PEX14: variants seen among roughly 807,000 people sequenced by gnomAD.
PEX14 encodes the protein peroxisomal biogenesis factor 14.
A neutral mutation model predicts 49.5 loss-of-function variants in PEX14; 15 were observed. The observed-to-expected ratio is 0.30, with a 90% CI of 0.20 to 0.47. PEX14 has a LOEUF of 0.47. PEX14 is among the 20% of genes least tolerant of loss of function. PEX14 has a pLI of 1.00. For synonymous variants in PEX14, 210 were observed against 212.7 expected, an observed-to-expected ratio of 0.99 and a Z score of 0.11; for missense variants, 398 against 494.8, an observed-to-expected ratio of 0.80 and a Z score of 1.86.
intron 4 of PEX14, among the ~76,000 whole-genome samples, chr1:10,609,872 G>A (rs533456742): frequency 3.3e-5 from 5 of 151,942 alleles, no homozygotes; most frequent in African/African-American, 4.8e-5. Flanking sequence ...GTGACCGAAC[G>A]AAGCTCCATC....
intron 3 of PEX14, among the ~76,000 whole-genome samples, chr1:10,546,295 G>A (rs1639168881): frequency 6.6e-6 from 1 of 152,188 alleles, no homozygotes; most frequent in African/African-American, 2.4e-5. Context: ...GCCGGGTGCA[G>A]TGGCTCAAGC....
At chr1:10,488,596 T>C (rs904463838) in intron 1 of PEX14, among the ~76,000 whole-genome samples, 5 of 151,540 alleles carry the variant, frequency 3.3e-5, no homozygotes, top group African/African-American at 1.2e-4. Context: ...GCCTCCTGGG[T>C]TCACCCCATT....
intron 2 of PEX14, among the ~76,000 whole-genome samples, chr1:10,527,962 TG>T (rs1460380451): frequency 1.3e-5 from 2 of 152,214 alleles, no homozygotes; most frequent in Non-Finnish European, 2.9e-5. Flanking sequence ...TGAGCCACTG[TG>T]CTTGGCCTAG....
intron 3 of PEX14, among the ~76,000 whole-genome samples, chr1:10,591,496 C>T (rs1190315094): frequency 6.6e-6 from 1 of 152,120 alleles, no homozygotes; most frequent in African/African-American, 2.4e-5. Context: ...TTATTTGAAT[C>T]AGAAATCTAT....
intron 2 of PEX14, among the ~76,000 whole-genome samples, chr1:10,523,967 A>G (rs1394637366): frequency 6.6e-6 from 1 of 152,064 alleles, no homozygotes; most frequent in Non-Finnish European, 1.5e-5. Context: ...TATTACTTTA[A>G]CTGTTTAAAT....
In PEX14 at chr1:10,623,184, C is replaced by A; in HGVS notation, c.487+63C>A. On this transcript the variant is annotated intron_variant, in intron 6 of 8. Coordinates refer to ENST00000356607, the MANE Select transcript of PEX14 (RefSeq NM_004565.3). The surrounding 1 kb of genome is among the most constrained non-coding windows in gnomAD (Gnocchi z 4.4). ...CCTTCTCCAAGCAGCCCCTTCTCTGCCCCTCCCCTCTCCCTCTGTCTCCAC... is the reference window on the plus strand; with the variant it reads ...CCTTCTCCAAGCAGCCCCTTCTCTGACCCTCCCCTCTCCCTCTGTCTCCAC... 1.0e-6 allele frequency: 1 copy of A among 996,834 alleles called. No homozygotes were observed. The highest frequency in any genetic ancestry group is 1.9e-5 in the Admixed American group (1 of 52,168). 61.7% of individuals were successfully genotyped at this position (996,834 alleles called of 1,614,324 possible).
intron 1 of PEX14, among the ~76,000 whole-genome samples, chr1:10,480,496 C>T (rs867879388): frequency 1.3e-5 from 2 of 148,466 alleles, no homozygotes; most frequent in Admixed American, 6.9e-5. Flanking sequence ...TGGGTTCAAG[C>T]GATTCTCCTG....
chr1:10,484,090 TCA>T (rs1358177332), intron 1 of PEX14, among the ~76,000 whole-genome samples: 1 of 149,750 alleles, frequency 6.7e-6, no homozygotes, highest in Non-Finnish European at 1.5e-5. Context: ...GTGAAGTGGC[TCA>T]GTCTTGGCTC....
At chr1:10,586,966 G>A (rs1640512532) in intron 3 of PEX14, among the ~76,000 whole-genome samples, 2 of 151,784 alleles carry the variant, frequency 1.3e-5, no homozygotes, top group South Asian at 2.1e-4. Flanking sequence ...TCAAAAGCAA[G>A]CAAACTGAAT....
intron 1 of PEX14, among the ~76,000 whole-genome samples, chr1:10,482,754 A>G (rs1641303962): frequency 6.6e-6 from 1 of 152,162 alleles, no homozygotes; most frequent in Non-Finnish European, 1.5e-5. Context: ...CTTTTAATGG[A>G]CATTAGATTG....
intron 1 of PEX14, among the ~76,000 whole-genome samples, chr1:10,483,044 G>A (rs548962910): frequency 6.6e-5 from 10 of 152,332 alleles, no homozygotes; most frequent in Non-Finnish European, 1.2e-4. Flanking sequence ...CTGGAGGAAC[G>A]AGTCCCATTG....
rs775981526 is a variant in PEX14, at chr1:10,583,384, T to C, written c.170-15854T>C. ...ACAAATATACACCATTGCACCCAGC[T>C]TTTTTTTTTTTTTTTTTTAAAAAGG... On this transcript the variant is annotated intron_variant, in intron 3 of 8. Transcript: ENST00000356607. Among the ~76,000 whole-genome samples the C allele has an allele frequency of 9.5e-3, 770 of 81,468 alleles. 4 individuals carry two copies. The highest frequency in any genetic ancestry group is 0.054 in the South Asian group (104 of 1,940). 53.4% of individuals were successfully genotyped at this position (81,468 alleles called of 152,430 possible).
rs1285842977 is a variant in PEX14 at position 10,577,678 on chromosome 1, G to A, written c.170-21560G>A. On this transcript the variant is annotated intron_variant, in intron 3 of 8. Coordinates refer to ENST00000356607, the MANE Select transcript of PEX14 (RefSeq NM_004565.3). ...GCAATCTCGGCTCACTGCAAGCTCC[G>A]CCTCCTGAGTTGGGAGGGTTCACGC... 3.5e-4 allele frequency among the ~76,000 whole-genome samples: 47 copies of A among 133,076 alleles called. 3 individuals carry two copies. Among genetic ancestry groups the A allele is most frequent in the South Asian group, 2.7e-4 (1 of 3,662 alleles). The allele number at this position is 133,076 out of a possible 152,430, so 87.3% of individuals were successfully genotyped here. A position where few individuals can be genotyped will look rare whatever the true frequency, so the allele number is the denominator to read the frequency against.
At chr1:10,535,157 A>G (rs1360077889) in intron 2 of PEX14, among the ~76,000 whole-genome samples, 1 of 152,192 alleles carries the variant, frequency 6.6e-6, no homozygotes, top group Non-Finnish European at 1.5e-5. Context: ...GATGAGGTGA[A>G]TAATAGCAGT....
chr1:10,591,145 T>C (rs1311866015), intron 3 of PEX14, among the ~76,000 whole-genome samples: 1 of 152,190 alleles, frequency 6.6e-6, no homozygotes, highest in Non-Finnish European at 1.5e-5. Context: ...TTTGTTGCAA[T>C]GATGGAAACA....
intron 3 of PEX14, among the ~76,000 whole-genome samples, chr1:10,577,119 A>G (rs892093895): frequency 6.6e-6 from 1 of 151,800 alleles, no homozygotes; most frequent in Non-Finnish European, 1.5e-5. Context: ...TTTAAAAAAC[A>G]TTCTGAGGCC....
Position 10,613,449 on chromosome 1 carries a change from A to G in PEX14, c.299-4883A>G, listed in dbSNP as rs1003071314. 6.6e-6 allele frequency among the ~76,000 whole-genome samples: 1 copy of G among 152,192 alleles called. No individual in the cohort carries two copies. Among genetic ancestry groups the G allele is most frequent in the East Asian group, 1.9e-4 (1 of 5,194 alleles). ...GGAAGGTTGGGTTTTGAAGAGCTCC[A>G]TGCCCTTTGCTCTATAGCAGTTTAT... On this transcript the variant is annotated intron_variant, in intron 4 of 8. Coordinates refer to ENST00000356607, the MANE Select transcript of PEX14 (RefSeq NM_004565.3). This position sits in a 1 kb window ranked among gnomAD's most constrained non-coding sequence, Gnocchi z 5.0.
At chr1:10,536,996 T>G (rs2506891) in intron 3 of PEX14, among the ~76,000 whole-genome samples, 146,298 of 152,196 alleles carry the variant, frequency 0.96, 70,581 homozygotes, top group East Asian at 1. Context: ...TATACCATGA[T>G]GGGCAAAAGT....
chr1:10,544,650 A>G (rs1242779349), intron 3 of PEX14, among the ~76,000 whole-genome samples: 1 of 152,160 alleles, frequency 6.6e-6, no homozygotes, highest in African/African-American at 2.4e-5. Flanking sequence ...AGCATCCCCA[A>G]AAGTTTCCTC....
Sources: gnomAD v4.1 joint callset for allele counts (sites outside exome capture counted in the v4.1 genomes callset) on GRCh38, gnomAD v4.1.1 for gene constraint, Gnocchi (gnomAD v3.1) non-coding constraint, MANE v1.5 for transcripts, NCBI Gene and HGNC (gene_info 2026-07-23, HGNC 2026-07-21) for gene names.